The following RC3H1 variants were observed in gnomAD, a reference collection of about 807,000 sequenced individuals.
The protein encoded by RC3H1 is roquin-1.
A neutral mutation model predicts 138.2 loss-of-function variants in RC3H1; 50 were observed. The observed-to-expected ratio is 0.36, with a 90% confidence interval of 0.29 to 0.46. The LOEUF (loss-of-function observed/expected upper bound fraction) is 0.46, where lower values mean the gene tolerates loss of function less well. Among genes scored for constraint, RC3H1 ranks in the 20% least tolerant of loss-of-function variants. RC3H1 has a pLI of 1.00. For missense variants in RC3H1, 1,031 were observed against 1,388.1 expected (o/e 0.74, Z 4.09); for synonymous variants, 462 against 489.1 (o/e 0.94, Z 0.73).
chr1:173,959,413 G>A (rs1342397490), intron 13 of RC3H1, among the ~76,000 whole-genome samples: 1 of 152,124 alleles, frequency 6.6e-6, no homozygotes, highest in East Asian at 1.9e-4. Flanking sequence ...GAAGTATGAA[G>A]TATAAAGAAA....
Position 173,961,602 on chromosome 1 carries a change from A to T in RC3H1, c.2202+123T>A, listed in dbSNP as rs1195945059. 4.9e-5 allele frequency: 50 copies of T among 1,023,482 alleles called. 1 individual carries two copies. In the South Asian group the frequency reaches 1.2e-3, roughly 24 times the overall value. 63.4% of individuals were successfully genotyped at this position (1,023,482 alleles called of 1,614,324 possible). A position where few individuals can be genotyped will look rare whatever the true frequency, so the allele number is the denominator to read the frequency against. ...ACCCAAATTATGAAAAGATTTAAAA[A>T]AAAAAGAAGCTCTCTTATAAAAAAG... On this transcript the variant is annotated intron_variant, in intron 12 of 19. Transcript: ENST00000367696.
intron 5 of RC3H1, among the ~76,000 whole-genome samples, chr1:173,981,612 G>C (rs1422311038): frequency 6.6e-6 from 1 of 152,058 alleles, no homozygotes; most frequent in Non-Finnish European, 1.5e-5. Flanking sequence ...ATGACTCTTG[G>C]GATTGCCTGA....
intron 2 of RC3H1, among the ~76,000 whole-genome samples, chr1:173,988,672 A>T (rs1232671721): frequency 1.3e-5 from 2 of 152,362 alleles, no homozygotes; most frequent in Non-Finnish European, 2.9e-5. Flanking sequence ...TTCCAAAAAG[A>T]TGAGAGTTTT....
intron 18 of RC3H1, among the ~76,000 whole-genome samples, chr1:173,941,654 G>A (rs1394399677): frequency 2.0e-5 from 3 of 152,216 alleles, no homozygotes; most frequent in South Asian, 2.1e-4. Context: ...CTAGAAAGGC[G>A]GCCAGGCATG....
At chr1:173,976,496 A>C (rs1660591080) in intron 7 of RC3H1, among the ~76,000 whole-genome samples, 2 of 152,126 alleles carry the variant, frequency 1.3e-5, no homozygotes. Context: ...AAGTACAGTA[A>C]GAACTGAGAA....
At chr1:173,978,283 T>A (rs954735826) in intron 7 of RC3H1, among the ~76,000 whole-genome samples, 3 of 151,982 alleles carry the variant, frequency 2.0e-5, no homozygotes, top group Non-Finnish European at 4.4e-5. Flanking sequence ...TGAGCAACAG[T>A]ATAAAAAGTA....
intron 1 of RC3H1, among the ~76,000 whole-genome samples, chr1:174,010,258 C>T (rs1318107871): frequency 6.6e-6 from 1 of 152,112 alleles, no homozygotes; most frequent in Non-Finnish European, 1.5e-5. Context: ...TTCATCTCCA[C>T]TTTCTTGATT....
intron 1 of RC3H1, chr1:174,015,742 T>G (rs999316422): frequency 1.3e-5 from 2 of 152,036 alleles, no homozygotes; most frequent in African/African-American, 4.8e-5. Context: ...CTGGAACTCT[T>G]GGCCTCAAGT....
intron 1 of RC3H1, among the ~76,000 whole-genome samples, chr1:174,000,305 T>A (rs1661539990): frequency 6.6e-6 from 1 of 152,216 alleles, no homozygotes; most frequent in African/African-American, 2.4e-5. Context: ...CATTTAAACA[T>A]ATGACACATT....
At chr1:173,956,761 A>G (rs61828901) in intron 13 of RC3H1, among the ~76,000 whole-genome samples, 14,141 of 152,106 alleles carry the variant, frequency 0.093, 883 homozygotes, top group East Asian at 0.22. Flanking sequence ...ATGTTAGTTC[A>G]TGCACAGAAA....
chr1:173,944,174 CAAA>C (rs201962234), intron 17 of RC3H1, among the ~76,000 whole-genome samples: 4 of 57,528 alleles, frequency 7.0e-5, no homozygotes, highest in Admixed American at 2.0e-4. Context: ...CTTTGTCTCT[CAAA>C]AAAAAAAAAA....
chr1:173,940,795 G>A (rs2102838651), intron 19 of RC3H1, among the ~76,000 whole-genome samples: 1 of 151,374 alleles, frequency 6.6e-6, no homozygotes, highest in Admixed American at 6.6e-5. Context: ...TTGGATCTAA[G>A]TTTTGTAACT....
chr1:174,018,748 G>C (rs1297539545), intron 1 of RC3H1, among the ~76,000 whole-genome samples: 4 of 152,198 alleles, frequency 2.6e-5, no homozygotes, highest in Admixed American at 2.0e-4. Flanking sequence ...CCTGAGCACA[G>C]ACGGGGCCAA....
Position 173,982,772 on chromosome 1 carries a change from G to A in RC3H1, c.723C>T (p.Ser241=), listed in dbSNP as rs1660875070. The A allele has an allele frequency of 1.2e-6, 2 of 1,613,424 alleles. No homozygotes were observed. Among genetic ancestry groups the A allele is most frequent in the African/African-American group, 1.3e-5 (1 of 74,890 alleles). The part of the protein sequence containing the change: ...EPRFPQASKT[S]IGHVVQLLYR... ...AAAGGAGCTGAACAACATGCCCAAT[G>A]CTAGTTTTAGAGGCTTGAGGAAACC... The change falls in exon 5 of 20, where the codon AGC becomes AGT. Residue 241 remains serine (S), a synonymous_variant. Transcript: ENST00000367696.
chr1:174,003,483 G>T (rs1418401763), intron 1 of RC3H1, among the ~76,000 whole-genome samples: 1 of 150,802 alleles, frequency 6.6e-6, no homozygotes, highest in Non-Finnish European at 1.5e-5. Context: ...CTCATCAATC[G>T]CCATGTACAT....
chr1:173,979,284 T>C (rs1404500968), intron 6 of RC3H1, among the ~76,000 whole-genome samples: 8 of 152,218 alleles, frequency 5.3e-5, no homozygotes, highest in Non-Finnish European at 8.8e-5. Flanking sequence ...AAAATTACTG[T>C]AGGATATACA....
intron 9 of RC3H1, among the ~76,000 whole-genome samples, chr1:173,969,107 T>G (rs976283339): frequency 3.9e-5 from 6 of 151,900 alleles, no homozygotes; most frequent in Admixed American, 2.0e-4. Context: ...TCCGCCCGCT[T>G]CAGCCTCCCA....
At chr1:173,980,463 T>C (rs1660767751) in intron 6 of RC3H1, among the ~76,000 whole-genome samples, 1 of 152,064 alleles carries the variant, frequency 6.6e-6, no homozygotes, top group African/African-American at 2.4e-5. Flanking sequence ...AACCACTAGA[T>C]ACATATTAAG....
Position 173,931,510 on chromosome 1 carries a change from GCAA to G in RC3H1, c.*7208_*7210del, listed in dbSNP as rs1368026502. The G allele has an allele frequency of 6.6e-6, 1 of 152,112 alleles. No homozygotes were observed. 9.4% of individuals were successfully genotyped at this position (152,112 alleles called of 1,614,324 possible). On this transcript the variant is annotated 3_prime_UTR_variant, in exon 20 of 20. Coordinates refer to ENST00000367696, the MANE Select transcript of RC3H1 (RefSeq NM_172071.4). ...ATGGCCCTAGTACTCTCAAAAATCG[GCAA>G]CAAGTGGGAACATGTACTTATTTAG...
Sources: gnomAD v4.1 joint callset for allele counts (sites outside exome capture counted in the v4.1 genomes callset) on GRCh38, gnomAD v4.1.1 for gene constraint, MANE v1.5 for transcripts, NCBI Gene and HGNC (gene_info 2026-07-23, HGNC 2026-07-21) for gene names.